Variants in CUBN observed in about 807,000 individuals in gnomAD.
CUBN encodes the protein 460 kDa receptor.
A neutral mutation model predicts 405.3 loss-of-function variants in CUBN; 282 were observed. The ratio of observed to expected loss-of-function variants is 0.70; its 90% CI spans 0.63 to 0.77. The LOEUF (loss-of-function observed/expected upper bound fraction) is 0.77, where lower values mean the gene tolerates loss of function less well. Ranked by LOEUF, CUBN falls within the 30% of genes least tolerant of loss-of-function variation. CUBN has a pLI of 0.00. For missense variants in CUBN, 4,514 were observed against 4,475.2 expected, an observed-to-expected ratio of 1.01 and a Z score of -0.25; for synonymous variants, 1,684 against 1,617.0, an observed-to-expected ratio of 1.04 and a Z score of -0.99.
rs747763087 is a variant in CUBN at position 17,019,839 on chromosome 10, C to T, written c.4162G>A (p.Val1388Ile). ...REKGFQMQWF[V>I]YGCGGELSGA... Reference sequence around the variant, plus strand: ...AGATCAGCACCTGGCTTACCGTAAACAAACCACTGCATCTGAAATCCTTTC... The same window carrying T: ...AGATCAGCACCTGGCTTACCGTAAATAAACCACTGCATCTGAAATCCTTTC... The change falls in exon 28 of 67, where the codon GTT becomes ATT. Residue 1388 changes from valine to isoleucine, a missense_variant. Physicochemically the swap from Val to Ile is conservative, Grantham distance 29. Around this residue, in one of 5 missense-constraint regions of CUBN, gnomAD observed 242 missense variants for 309.0 expected, o/e 0.78. Coordinates refer to ENST00000377833, the MANE Select transcript of CUBN (RefSeq NM_001081.4). 1.2e-6 allele frequency: 2 copies of T among 1,614,098 alleles called. No homozygotes were observed.
chr10:17,084,586 C>T (rs1218097779), intron 16 of CUBN, 125 bp from the exon 17 acceptor site: 9 of 801,812 alleles, frequency 1.1e-5, no homozygotes, highest in Non-Finnish European at 1.5e-5. Flanking sequence ...ATTTTATTCA[C>T]CCTCTATAGG....
Position 16,915,884 on chromosome 10 carries a change from T to A in CUBN, c.7147A>T (p.Asn2383Tyr). 2 of 1,614,160 alleles carry A rather than the reference T, an allele frequency of 1.2e-6. No individual in the cohort carries two copies. The highest frequency in any genetic ancestry group is 2.2e-5 in the South Asian group (2 of 91,084). Residue 2383 changes from asparagine to tyrosine, a missense_variant, in exon 46 of 67, where the codon AAC becomes TAC. This residue lies in a region of CUBN where 1,613 missense variants were observed against 1,542.8 expected (regional missense o/e 1.05). Coordinates refer to ENST00000377833, the MANE Select transcript of CUBN (RefSeq NM_001081.4). ...TCACAGCCAGAAGAATTCTGAAGGT[T>A]AAAGTCTTCAAAAGAGATGGTGAGA... ...HYLTISFEDF[N>Y]LQNSSGCEKD...
Position 16,846,754 on chromosome 10 carries a change from G to A in CUBN, c.9663+4481C>T, listed in dbSNP as rs191428325. ...TTGAATTCGGGAGGCAGAGGTTGCA[G>A]TAAGCCAATATCACACCATTGCACT... On this transcript the variant is annotated intron_variant, in intron 60 of 66. Coordinates refer to ENST00000377833, the MANE Select transcript of CUBN (RefSeq NM_001081.4). Among the ~76,000 whole-genome samples the A allele has an allele frequency of 4.7e-5, 7 of 150,258 alleles. No homozygotes were observed. In the East Asian group the frequency reaches 9.8e-4, roughly 21 times the overall value.
rs2131629770 is a variant in CUBN, at chr10:16,952,362, G to A, written c.4883C>T (p.Ser1628Leu). The A allele has an allele frequency of 1.2e-6, 2 of 1,613,714 alleles. No homozygotes were observed. The highest frequency in any genetic ancestry group is 1.3e-5 in the African/African-American group (1 of 75,014). ...CCGTGGAGAGGAAACAGTATCAAAT[G>A]AGCTGGTGAGGATGTGGCCTCCGCA... ...QACGGHILTS[S>L]FDTVSSPRFP... Residue 1628 changes from serine to leucine, a missense_variant, in exon 33 of 67, where the codon TCA becomes TTA. Transcript: ENST00000377833.
chr10:17,010,532 A>G (rs1421574473), intron 28 of CUBN, among the ~76,000 whole-genome samples: 1 of 152,108 alleles, frequency 6.6e-6, no homozygotes, highest in Non-Finnish European at 1.5e-5. Context: ...TCAGCTACTC[A>G]AGAGGCTGAA....
intron 60 of CUBN, among the ~76,000 whole-genome samples, chr10:16,846,712 C>T (rs913496791): frequency 6.6e-6 from 1 of 150,494 alleles, no homozygotes; most frequent in Admixed American, 6.7e-5. Context: ...CTTGGGAGGC[C>T]GAGGCAGGAG....
intron 36 of CUBN, 92 bp downstream of exon 36, chr10:16,947,143 G>A (rs1476863439): frequency 1.4e-5 from 19 of 1,333,274 alleles, no homozygotes; most frequent in African/African-American, 7.2e-5. Flanking sequence ...TAAATTTCAC[G>A]TACACTATGA....
chr10:17,048,075 A>T (rs1023810970), intron 22 of CUBN, among the ~76,000 whole-genome samples: 1 of 152,266 alleles, frequency 6.6e-6, no homozygotes, highest in African/African-American at 2.4e-5. Context: ...GTGATCTCGA[A>T]TGAAAACCCT....
At chr10:17,113,674 CA>C (rs1473667515) in intron 8 of CUBN, among the ~76,000 whole-genome samples, 1 of 152,148 alleles carries the variant, frequency 6.6e-6, no homozygotes, top group African/African-American at 2.4e-5. Flanking sequence ...GCAAAGAGGT[CA>C]AATAATTTCC....
intron 13 of CUBN, among the ~76,000 whole-genome samples, chr10:17,100,683 G>A (rs145395864): frequency 2.3e-4 from 35 of 152,274 alleles, no homozygotes; most frequent in Admixed American, 7.8e-4. Context: ...ACACACAGAC[G>A]TTCATCACTG....
At chr10:16,994,068 C>T (rs987305568) in intron 28 of CUBN, among the ~76,000 whole-genome samples, 19 of 152,296 alleles carry the variant, frequency 1.2e-4, no homozygotes, top group Middle Eastern at 6.8e-3. Flanking sequence ...ACCAACATGG[C>T]ATATGCATAC....
chr10:16,947,965 C>T (rs915391371), intron 35 of CUBN, among the ~76,000 whole-genome samples: 3 of 152,230 alleles, frequency 2.0e-5, no homozygotes, highest in African/African-American at 7.2e-5. Context: ...AATCCCACCA[C>T]TTTGGGAGGC....
intron 31 of CUBN, among the ~76,000 whole-genome samples, chr10:16,981,893 G>A (rs533839199): frequency 5.3e-4 from 80 of 152,224 alleles, no homozygotes; most frequent in African/African-American, 1.8e-3. Context: ...CTCCCAACCT[G>A]TTCTATCAGA....
At chr10:16,831,997 T>C (rs553491615) in intron 64 of CUBN, among the ~76,000 whole-genome samples, 4 of 152,334 alleles carry the variant, frequency 2.6e-5, no homozygotes, top group East Asian at 3.9e-4. Flanking sequence ...ACAATGTCTG[T>C]TGTTAAATGT....
intron 48 of CUBN, among the ~76,000 whole-genome samples, chr10:16,912,463 A>G (rs1841759670): frequency 6.6e-6 from 1 of 152,206 alleles, no homozygotes; most frequent in South Asian, 2.1e-4. Context: ...CAATAAACTG[A>G]TGAACAAATC....
chr10:17,022,902 T>C (rs1353489865), intron 27 of CUBN, among the ~76,000 whole-genome samples: 2 of 152,240 alleles, frequency 1.3e-5, no homozygotes, highest in Non-Finnish European at 2.9e-5. Flanking sequence ...TCATAACCCT[T>C]ATCCAACAAA....
At chr10:17,052,961 T>C (rs1475685729) in intron 22 of CUBN, among the ~76,000 whole-genome samples, 1 of 151,822 alleles carries the variant, frequency 6.6e-6, no homozygotes, top group South Asian at 2.1e-4. Flanking sequence ...ATTTGTGTAA[T>C]ATGAAGTGTC....
chr10:17,105,671 A>G, intron 10 of CUBN, 96 bp from the exon 11 acceptor site: 1 of 736,690 alleles, frequency 1.4e-6, no homozygotes, highest in South Asian at 1.5e-5. Context: ...ACAAGGATCC[A>G]CCAACATCCA....
At chr10:16,943,129 C>T in intron 36 of CUBN, among the ~76,000 whole-genome samples, 1 of 152,162 alleles carries the variant, frequency 6.6e-6, no homozygotes, top group East Asian at 1.9e-4. Context: ...CTGGTCACTC[C>T]CTGCCTACCA....
Sources: gnomAD v4.1 joint callset for allele counts (sites outside exome capture counted in the v4.1 genomes callset) on GRCh38, gnomAD v4.1.1 for gene constraint, gnomAD v4.1.1 regional missense constraint, MANE v1.5 for transcripts, NCBI Gene and HGNC (gene_info 2026-07-23, HGNC 2026-07-21) for gene names.